PCDHGA8: variants seen among roughly 807,000 people sequenced by gnomAD.
The protein encoded by PCDHGA8 is protocadherin gamma-A8.
In PCDHGA8, 45 loss-of-function variants were observed where a neutral mutation model predicts 59.2. The observed-to-expected ratio is 0.76, with a 90% CI of 0.60 to 0.98. PCDHGA8 has a LOEUF of 0.98. Ranked by LOEUF, PCDHGA8 falls within the 50% of genes least tolerant of loss-of-function variation. The pLI is 0.00. For missense variants in PCDHGA8, 1,257 were observed against 1,196.2 expected, an observed-to-expected ratio of 1.05 and a Z score of -0.75; for synonymous variants, 531 against 519.0, an observed-to-expected ratio of 1.02 and a Z score of -0.32.
At chr5:141,411,732 A>C (rs1437829295) in intron 1 of PCDHGA8, 4 of 152,694 alleles carry the variant, frequency 2.6e-5, no homozygotes, top group African/African-American at 9.7e-5. Flanking sequence ...ACATTTAAAA[A>C]TTAGCAGGGT....
chr5:141,404,004 C>T (rs1219625288), intron 1 of PCDHGA8: 3 of 1,613,842 alleles, frequency 1.9e-6, no homozygotes, highest in Non-Finnish European at 2.5e-6. Flanking sequence ...ACCATTACAT[C>T]TCTGTTTAGC....
intron 1 of PCDHGA8, among the ~76,000 whole-genome samples, chr5:141,447,244 A>T (rs1475037979): frequency 6.6e-6 from 1 of 152,062 alleles, no homozygotes; most frequent in Non-Finnish European, 1.5e-5. Flanking sequence ...GGTTCAAGTG[A>T]TTCTTCTGTC....
rs1310725827 is a variant in PCDHGA8, at chr5:141,500,934, T to C, written c.2484-4459T>C. The stretch of plus-strand genomic sequence containing the variant: ...TCCAGGCTGGGGTGCAGTGGCGCCA[T>C]CTCGGCTCACTGCAAGCTCCACCTC... On this transcript the variant is annotated intron_variant, in intron 2 of 3. Transcript: ENST00000398604. 5.9e-5 allele frequency among the ~76,000 whole-genome samples: 9 copies of C among 151,906 alleles called. 1 individual carries two copies. Among genetic ancestry groups the C allele is most frequent in the Non-Finnish European group, 1.3e-4 (9 of 68,020 alleles).
chr5:141,492,220 C>T (rs1388948434), intron 1 of PCDHGA8, among the ~76,000 whole-genome samples: 2 of 152,190 alleles, frequency 1.3e-5, no homozygotes, highest in Non-Finnish European at 1.5e-5. Context: ...GGGGCTCATG[C>T]GTGTCCTCCC....
At chr5:141,497,284 A>G (rs1486878285) in intron 2 of PCDHGA8, among the ~76,000 whole-genome samples, 1 of 152,104 alleles carries the variant, frequency 6.6e-6, no homozygotes, top group South Asian at 2.1e-4. Context: ...TGTTCCCTCT[A>G]CCTACCACCA....
At chr5:141,500,488 C>A (rs569168291) in intron 2 of PCDHGA8, among the ~76,000 whole-genome samples, 2 of 152,060 alleles carry the variant, frequency 1.3e-5, no homozygotes, top group East Asian at 3.9e-4. Flanking sequence ...GGATTACAGG[C>A]GTGAGCCACC....
intron 1 of PCDHGA8, among the ~76,000 whole-genome samples, chr5:141,455,997 A>C (rs1373055623): frequency 1.3e-5 from 2 of 151,626 alleles, no homozygotes. Context: ...TCTCGGGTTC[A>C]TGCCATTCTC....
intron 2 of PCDHGA8, among the ~76,000 whole-genome samples, chr5:141,500,844 T>C (rs190011905): frequency 6.6e-6 from 1 of 152,204 alleles, no homozygotes; most frequent in Non-Finnish European, 1.5e-5. Flanking sequence ...AATGGGCTTT[T>C]GCTACATTAG....
At chr5:141,488,951 A>G (rs2099680664) in intron 1 of PCDHGA8, among the ~76,000 whole-genome samples, 1 of 152,118 alleles carries the variant, frequency 6.6e-6, no homozygotes, top group Admixed American at 6.5e-5. Flanking sequence ...ATTGGTTGAG[A>G]GCACACAGAC....
intron 1 of PCDHGA8, among the ~76,000 whole-genome samples, chr5:141,474,311 G>T (rs1374954373): frequency 1.3e-5 from 2 of 152,134 alleles, no homozygotes. Context: ...AAACTTTAAT[G>T]TGTTTTCAAA....
chr5:141,431,460 A>C lies in PCDHGA8; in HGVS notation c.2424+36223A>C, dbSNP rs761879594. On this transcript the variant is annotated intron_variant, in intron 1 of 3. Coordinates refer to ENST00000398604, the MANE Select transcript of PCDHGA8 (RefSeq NM_032088.2). This position sits in a 1 kb window ranked among gnomAD's most constrained non-coding sequence, Gnocchi z 4.8. ...GCGCGCATCCGCGTGATGGTTCTGGATGCGAACGACAACGCACCAGCGTTT... is the reference window on the plus strand; with the variant it reads ...GCGCGCATCCGCGTGATGGTTCTGGCTGCGAACGACAACGCACCAGCGTTT... 8.1e-6 allele frequency: 13 copies of C among 1,613,676 alleles called. No individual in the cohort carries two copies. The highest frequency in any genetic ancestry group is 1.1e-5 in the Non-Finnish European group (13 of 1,179,984).
intron 1 of PCDHGA8, chr5:141,426,560 G>A (rs1358683534): frequency 5.7e-6 from 2 of 352,756 alleles, no homozygotes; most frequent in South Asian, 2.1e-5. Flanking sequence ...AGAATAGATC[G>A]AGAGTCACTG....
intron 1 of PCDHGA8, among the ~76,000 whole-genome samples, chr5:141,405,825 A>G (rs184785482): frequency 1.1e-3 from 172 of 152,272 alleles, no homozygotes; most frequent in Non-Finnish European, 1.9e-3. Context: ...TCTGTACTTA[A>G]GGTAGTATAA....
chr5:141,481,053 A>T (rs2099530801), intron 1 of PCDHGA8, among the ~76,000 whole-genome samples: 1 of 152,104 alleles, frequency 6.6e-6, no homozygotes, highest in Non-Finnish European at 1.5e-5. Flanking sequence ...GCGAGACTCC[A>T]CCTCAAAAAC....
intron 1 of PCDHGA8, among the ~76,000 whole-genome samples, chr5:141,460,753 A>ATATACATATTGCATATGTATG (rs1435827019): frequency 4.6e-5 from 7 of 152,094 alleles, no homozygotes; most frequent in Non-Finnish European, 1.0e-4. Flanking sequence ...ATATGTGTAC[A>ATATACATATTGCATATGTATG]TATACATATT....
At chr5:141,494,305 C>T (rs544773836) in intron 1 of PCDHGA8, among the ~76,000 whole-genome samples, 1 of 152,346 alleles carries the variant, frequency 6.6e-6, no homozygotes, top group East Asian at 1.9e-4. Context: ...GAATGTGTCA[C>T]TGCACAACCT....
At chr5:141,419,004 T>C in intron 1 of PCDHGA8, 1 of 1,613,886 alleles carries the variant, frequency 6.2e-7, no homozygotes, top group Non-Finnish European at 8.5e-7. Context: ...AATGGGGAAG[T>C]CAGGTGTAGC....
chr5:141,441,825 C>A, intron 1 of PCDHGA8: 1 of 357,252 alleles, frequency 2.8e-6, no homozygotes, highest in Non-Finnish European at 5.5e-6. Flanking sequence ...CTCTGGAGCG[C>A]AATGGCTTCG....
At chr5:141,475,764 C>T (rs2154573514) in intron 1 of PCDHGA8, among the ~76,000 whole-genome samples, 1 of 152,380 alleles carries the variant, frequency 6.6e-6, no homozygotes, top group South Asian at 2.1e-4. Flanking sequence ...CCGATACTGG[C>T]AAGGCGCTTT....
Sources: gnomAD v4.1 joint callset for allele counts (sites outside exome capture counted in the v4.1 genomes callset) on GRCh38, gnomAD v4.1.1 for gene constraint, Gnocchi (gnomAD v3.1) non-coding constraint, MANE v1.5 for transcripts, NCBI Gene and HGNC (gene_info 2026-07-23, HGNC 2026-07-21) for gene names.